The following TPRG1 variants were observed in gnomAD, a reference collection of about 807,000 sequenced individuals.
TPRG1 encodes tumor protein p63 regulated 1.
A neutral mutation model predicts 29.3 loss-of-function variants in TPRG1; 29 were observed. The ratio of observed to expected loss-of-function variants is 0.99; its 90% CI spans 0.74 to 1.35. The LOEUF is 1.35. TPRG1 is among the 40% of genes most tolerant of loss of function. The probability of loss-of-function intolerance (pLI) is 0.00; values close to 1 mark genes in which losing one functional copy is unlikely to be tolerated. For synonymous variants in TPRG1, 130 were observed against 116.8 expected (o/e 1.11, Z -0.73); for missense variants, 327 against 335.0 (o/e 0.98, Z 0.19).
chr3:189,199,054 T>A (rs569496961), intron 1 of TPRG1, among the ~76,000 whole-genome samples: 1 of 152,364 alleles, frequency 6.6e-6, no homozygotes, highest in African/African-American at 2.4e-5. Flanking sequence ...GGTTCGAGCA[T>A]GTCTTTGGCC....
chr3:189,219,122 AAC>A (rs1736539090), intron 3 of TPRG1, among the ~76,000 whole-genome samples: 1 of 152,256 alleles, frequency 6.6e-6, no homozygotes, highest in Admixed American at 6.5e-5. Context: ...AGAAGAATAA[AAC>A]AATGCATATG....
At chr3:189,019,560 C>T (rs1455053315) in intron 3 of TPRG1, among the ~76,000 whole-genome samples, 8 of 152,172 alleles carry the variant, frequency 5.3e-5, no homozygotes, top group Admixed American at 5.2e-4. Flanking sequence ...ATTGAACCAG[C>T]CTTGCATCCC....
At chr3:189,091,540 T>A (rs1278525634) in intron 4 of TPRG1, among the ~76,000 whole-genome samples, 1 of 152,174 alleles carries the variant, frequency 6.6e-6, no homozygotes, top group Admixed American at 6.5e-5. Flanking sequence ...GGATTAGATT[T>A]ATCTTTTCTA....
At chr3:189,049,694 A>G (rs1011064036) in intron 4 of TPRG1, among the ~76,000 whole-genome samples, 4 of 152,226 alleles carry the variant, frequency 2.6e-5, no homozygotes, top group Admixed American at 6.5e-5. Context: ...GCTAACCAGC[A>G]CAAAAATAGA....
intron 4 of TPRG1, among the ~76,000 whole-genome samples, chr3:189,061,245 G>A (rs1716085655): frequency 6.6e-6 from 1 of 152,162 alleles, no homozygotes; most frequent in Non-Finnish European, 1.5e-5. Flanking sequence ...ATAGCCATAT[G>A]CAGAAGATTG....
chr3:189,147,037 G>T (rs1263795065), intron 3 of TPRG1, among the ~76,000 whole-genome samples: 1 of 152,204 alleles, frequency 6.6e-6, no homozygotes, highest in Non-Finnish European at 1.5e-5. Context: ...AAGAATTTAA[G>T]ATTTGGAGAG....
intron 4 of TPRG1, among the ~76,000 whole-genome samples, chr3:189,038,794 CAAAAAAA>C (rs59131158): frequency 7.7e-6 from 1 of 129,778 alleles, no homozygotes; most frequent in African/African-American, 2.8e-5. Context: ...GAGTAATTGG[CAAAAAAA>C]AAAAAAAAAT....
intron 3 of TPRG1, among the ~76,000 whole-genome samples, chr3:189,010,656 A>G (rs766753362): frequency 1.3e-5 from 2 of 152,016 alleles, no homozygotes; most frequent in African/African-American, 2.4e-5. Context: ...ATGTTTAAGT[A>G]CTTTGTAGAG....
At chr3:189,226,763 G>A in intron 3 of TPRG1, among the ~76,000 whole-genome samples, 1 of 123,452 alleles carries the variant, frequency 8.1e-6, no homozygotes. Context: ...TCTCTGAAAG[G>A]ATCAATAAAA....
intron 4 of TPRG1, among the ~76,000 whole-genome samples, chr3:189,033,275 C>A (rs936981707): frequency 6.6e-6 from 1 of 150,746 alleles, no homozygotes; most frequent in Admixed American, 6.6e-5. Flanking sequence ...AGTCATTATT[C>A]CTTTTTTTTT....
chr3:189,199,480 CT>C (rs1348686893), intron 1 of TPRG1, among the ~76,000 whole-genome samples: 1 of 152,142 alleles, frequency 6.6e-6, no homozygotes, highest in Non-Finnish European at 1.5e-5. Context: ...ATAAATGGAT[CT>C]TTTTTGACTG....
In TPRG1 at chr3:189,206,500, CTTTTT is replaced by C. The variant is rs11336790; in HGVS notation, c.-9-862_-9-858del. Among the ~76,000 whole-genome samples the C allele has an allele frequency of 8.5e-3, 1,117 of 131,166 alleles. 19 individuals are homozygous for C. The highest frequency in any genetic ancestry group is 8.4e-3 in the Non-Finnish European group (522 of 62,296). 86.0% of individuals were successfully genotyped at this position (131,166 alleles called of 152,430 possible). A position where few individuals can be genotyped will look rare whatever the true frequency, so the allele number is the denominator to read the frequency against. ...TAGATGCGGTGTTGTGATGAACAAACTTTTTTTTTTTTTTTTTTGAGACAGGGTCT... is the reference window on the plus strand; with the variant it reads ...TAGATGCGGTGTTGTGATGAACAAACTTTTTTTTTTTTTGAGACAGGGTCT... On this transcript the variant is annotated intron_variant, in intron 1 of 5. Coordinates refer to ENST00000345063, the MANE Select transcript of TPRG1 (RefSeq NM_198485.4).
At chr3:189,066,951 T>G (rs1716493453) in intron 4 of TPRG1, among the ~76,000 whole-genome samples, 1 of 152,064 alleles carries the variant, frequency 6.6e-6, no homozygotes, top group Non-Finnish European at 1.5e-5. Context: ...CTATTAGAAC[T>G]CATAAACAGA....
At chr3:189,073,342 C>T (rs1716916803) in intron 4 of TPRG1, among the ~76,000 whole-genome samples, 1 of 152,186 alleles carries the variant, frequency 6.6e-6, no homozygotes, top group Non-Finnish European at 1.5e-5. Context: ...GTCCTGTTAA[C>T]ACAGACACAT....
At chr3:189,044,118 A>G (rs1249107977) in intron 4 of TPRG1, among the ~76,000 whole-genome samples, 1 of 152,168 alleles carries the variant, frequency 6.6e-6, no homozygotes, top group Non-Finnish European at 1.5e-5. Flanking sequence ...AAATTAGTTC[A>G]TCTCCTCAAA....
chr3:189,224,931 CTT>C (rs139957231), intron 3 of TPRG1, among the ~76,000 whole-genome samples: 68 of 126,928 alleles, frequency 5.4e-4, no homozygotes, highest in South Asian at 4.4e-3. Flanking sequence ...CTTCCTTTTT[CTT>C]TTTTTTTTTT....
chr3:189,204,470 C>G (rs1733998801), intron 1 of TPRG1, among the ~76,000 whole-genome samples: 1 of 152,140 alleles, frequency 6.6e-6, no homozygotes, highest in South Asian at 2.1e-4. Flanking sequence ...GTGACTGGAA[C>G]AGAGCTGGAA....
chr3:189,233,031 T>G (rs1427730091), intron 3 of TPRG1, among the ~76,000 whole-genome samples: 1 of 138,722 alleles, frequency 7.2e-6, no homozygotes, highest in East Asian at 2.2e-4. Flanking sequence ...CCTCCTGGGT[T>G]GCTGATTCCT....
intron 3 of TPRG1, among the ~76,000 whole-genome samples, chr3:189,216,606 CT>C (rs1560565249): frequency 6.6e-6 from 1 of 152,164 alleles, no homozygotes; most frequent in African/African-American, 2.4e-5. Flanking sequence ...AGCAAAATGC[CT>C]AGCACATGGA....
Sources: allele counts gnomAD v4.1 joint callset (sites outside exome capture counted in the v4.1 genomes callset), GRCh38; gene constraint gnomAD v4.1.1; transcripts MANE v1.5; gene names NCBI Gene and HGNC (gene_info 2026-07-23, HGNC 2026-07-21).